BARD1: variants seen among roughly 807,000 people sequenced by gnomAD.
BARD1 encodes the protein BRCA1-associated RING domain protein 1.
A neutral mutation model predicts 77.0 loss-of-function variants in BARD1; 73 were observed. The observed-to-expected ratio is 0.95, with a 90% CI of 0.79 to 1.15. BARD1 has a LOEUF of 1.15. Among genes scored for constraint, BARD1 ranks in the 50% most tolerant of loss-of-function variants. BARD1 has a pLI of 0.00. For synonymous variants in BARD1, 384 were observed against 338.0 expected, an observed-to-expected ratio of 1.14 and a Z score of -1.49; for missense variants, 993 against 938.8, an observed-to-expected ratio of 1.06 and a Z score of -0.75.
At chr2:214,761,627 C>T (rs78720575) in intron 6 of BARD1, among the ~76,000 whole-genome samples, 1,797 of 152,020 alleles carry the variant, frequency 0.012, 42 homozygotes, top group South Asian at 0.071. Context: ...ACAGTGAGAC[C>T]CTATCTCAAA....
rs1029278234 is a variant in BARD1 at position 214,727,455 on chromosome 2, C to T, written c.*1221G>A. The stretch of plus-strand genomic sequence containing the variant: ...TTAATTTTATAAGTATATTCAATGT[C>T]TAGGAAGGAATTATTAAAGAATTCT... On this transcript the variant is annotated 3_prime_UTR_variant, in exon 11 of 11. Transcript: ENST00000260947. 5.6e-5 allele frequency: 13 copies of T among 231,774 alleles called. No homozygotes were observed. The highest frequency in any genetic ancestry group is 2.4e-4 in the African/African-American group (11 of 45,256). The allele number at this position is 231,774 out of a possible 1,614,324, so 14.4% of individuals were successfully genotyped here.
chr2:214,745,842 G>A lies in BARD1; in HGVS notation c.1690C>T (p.Gln564Ter), dbSNP rs587780021. The change falls in exon 8 of 11, where the codon CAG (glutamine) becomes TAG (stop). Residue 564 changes from glutamine to a stop codon, truncating the protein, a stop_gained. Coordinates refer to ENST00000260947, the MANE Select transcript of BARD1 (RefSeq NM_000465.4). LOFTEE classifies it high-confidence loss of function. ...AGTACAAGAGGTCCATCCCTACGCT[G>A]CCCAGTGTTCATCTGTTAATATAAA... ...ASHCSVMNTGQRRDGPLVLIG... is the reference protein window; with the variant it reads ...ASHCSVMNTG 40 of 1,613,824 alleles carry A rather than the reference G, an allele frequency of 2.5e-5. No homozygotes were observed. The highest frequency in any genetic ancestry group is 1.6e-4 in the Middle Eastern group (1 of 6,082).
At chr2:214,806,577 T>G (rs987192387) in intron 1 of BARD1, among the ~76,000 whole-genome samples, 2 of 152,030 alleles carry the variant, frequency 1.3e-5, no homozygotes, top group Non-Finnish European at 2.9e-5. Flanking sequence ...TTCTAAACAT[T>G]AAAGCCCATG....
chr2:214,797,392 T>C (rs555455268), intron 1 of BARD1, among the ~76,000 whole-genome samples: 1 of 152,336 alleles, frequency 6.6e-6, no homozygotes, highest in South Asian at 2.1e-4. Context: ...AACAATTTTG[T>C]TCAAGTATCT....
chr2:214,773,886 A>G (rs532833002), intron 4 of BARD1, among the ~76,000 whole-genome samples: 1 of 152,204 alleles, frequency 6.6e-6, no homozygotes, highest in African/African-American at 2.4e-5. Context: ...TCTGCGTAGA[A>G]CTTCTCCCAA....
chr2:214,781,074 G>T lies in BARD1; in HGVS notation c.800C>A (p.Thr267Lys). The T allele has an allele frequency of 6.3e-7, 1 of 1,597,554 alleles. No homozygotes were observed. Among genetic ancestry groups the T allele is most frequent in the Non-Finnish European group, 8.5e-7 (1 of 1,173,944 alleles). ...TAAACTTCCAAAACATTCAGATTCT[G>T]TCAAGGAGCCACTTGCTAGTAAGTC... The part of the protein sequence containing the change: ...EIDLLASGSL[T>K]ESECFGSLTE... The change falls in exon 4 of 11, where the codon ACA becomes AAA. Residue 267 changes from threonine to lysine, a missense_variant. Transcript: ENST00000260947.
chr2:214,753,924 AAC>A (rs1693575521), intron 6 of BARD1, among the ~76,000 whole-genome samples: 1 of 152,132 alleles, frequency 6.6e-6, no homozygotes, highest in Non-Finnish European at 1.5e-5. Flanking sequence ...TTCCTCTGGC[AAC>A]AGTCTTTCTC....
At chr2:214,750,060 T>G (rs1693333135) in intron 7 of BARD1, among the ~76,000 whole-genome samples, 1 of 152,130 alleles carries the variant, frequency 6.6e-6, no homozygotes, top group Non-Finnish European at 1.5e-5. Context: ...AACAATGGCA[T>G]CTACTACTAC....
chr2:214,799,223 C>G lies in BARD1; in HGVS notation c.159-2106G>C, dbSNP rs2106150196. Among the ~76,000 whole-genome samples, 2 of 152,288 alleles carry G rather than the reference C, an allele frequency of 1.3e-5. 1 individual carries two copies. Among genetic ancestry groups the G allele is most frequent in the South Asian group, 4.1e-4 (2 of 4,824 alleles). On this transcript the variant is annotated intron_variant, in intron 1 of 10. Transcript: ENST00000260947. ...GGCTGAGGCACAAGAATCACTTGAA[C>G]CCAGGAGGCACAGGTTGAGGTGAGC...
rs1694277558 is a variant in BARD1, at chr2:214,767,642, T to G, written c.1408A>C (p.Asn470His). 1 of 1,613,864 alleles carries G rather than the reference T, an allele frequency of 6.2e-7. No homozygotes were observed. Among genetic ancestry groups the G allele is most frequent in the South Asian group, 1.1e-5 (1 of 91,088 alleles). ...TCCACTACCTTCAGGTGCCCATGATTGCAAGCTTCATGCTAATTAAATTTT... is the reference window on the plus strand; with the variant it reads ...TCCACTACCTTCAGGTGCCCATGATGGCAAGCTTCATGCTAATTAAATTTT... ...AGWTPLHEACNHGHLKVVELL... is the reference protein window; with the variant it reads ...AGWTPLHEACHHGHLKVVELL... Residue 470 changes from asparagine (N) to histidine (H), a missense_variant, in exon 6 of 11, where the codon AAT (asparagine) becomes CAT (histidine). Transcript: ENST00000260947.
intron 4 of BARD1, among the ~76,000 whole-genome samples, chr2:214,777,576 T>G (rs1207794234): frequency 6.6e-6 from 1 of 152,182 alleles, no homozygotes; most frequent in Non-Finnish European, 1.5e-5. Context: ...TTTTCTGAAG[T>G]AGGTGGGTAC....
Position 214,734,113 on chromosome 2 carries a change from G to T in BARD1, c.1904-3605C>A, listed in dbSNP as rs540220930. Among the ~76,000 whole-genome samples the T allele has an allele frequency of 3.9e-5, 6 of 152,076 alleles. No homozygotes were observed. In the South Asian group the frequency reaches 6.2e-4, roughly 16 times the overall value. On this transcript the variant is annotated intron_variant, in intron 9 of 10. Transcript: ENST00000260947. ...TAAAAGCAAAGATAATAGGTTTTTT[G>T]AATAAAATGTTTGAATGCAAAGTTG...
chr2:214,747,149 C>G (rs1693161172), intron 7 of BARD1, among the ~76,000 whole-genome samples: 1 of 151,798 alleles, frequency 6.6e-6, no homozygotes, highest in East Asian at 1.9e-4. Context: ...ATCAAAACCA[C>G]AGTGAGATAC....
chr2:214,777,370 C>T (rs1450532897), intron 4 of BARD1, among the ~76,000 whole-genome samples: 1 of 152,112 alleles, frequency 6.6e-6, no homozygotes, highest in Non-Finnish European at 1.5e-5. Context: ...AGAAATCAAT[C>T]AGTAAAGCCC....
At chr2:214,754,758 C>G (rs1001776455) in intron 6 of BARD1, among the ~76,000 whole-genome samples, 1 of 152,120 alleles carries the variant, frequency 6.6e-6, no homozygotes, top group Non-Finnish European at 1.5e-5. Flanking sequence ...TGCTCACACA[C>G]AATTCACTAA....
At chr2:214,803,423 C>T (rs1007942817) in intron 1 of BARD1, among the ~76,000 whole-genome samples, 11 of 152,202 alleles carry the variant, frequency 7.2e-5, no homozygotes, top group Non-Finnish European at 1.5e-4. Context: ...AGTATAAAAC[C>T]CGATTGTAGG....
intron 9 of BARD1, among the ~76,000 whole-genome samples, chr2:214,744,539 G>C (rs989074572): frequency 6.6e-6 from 1 of 152,018 alleles, no homozygotes; most frequent in African/African-American, 2.4e-5. Flanking sequence ...TGAAATAGTT[G>C]GTATTGTAGG....
rs1050662237 is a variant in BARD1 at position 214,727,753 on chromosome 2, A to C, written c.*923T>G. 6.6e-5 allele frequency: 15 copies of C among 227,982 alleles called. No homozygotes were observed. Among genetic ancestry groups the C allele is most frequent in the Admixed American group, 6.3e-4 (11 of 17,574 alleles). 14.1% of individuals were successfully genotyped at this position (227,982 alleles called of 1,614,324 possible). On this transcript the variant is annotated 3_prime_UTR_variant, in exon 11 of 11. Transcript: ENST00000260947. ...TGCCAACCTAAAAACTTTAAAAAAA[A>C]CCTTTTCCTTTTACAAAGGAAGAAA... is the stretch of plus-strand genomic sequence containing the variant.
chr2:214,796,722 A>G (rs1695769568), intron 2 of BARD1: 2 of 302,812 alleles, frequency 6.6e-6, no homozygotes, highest in Non-Finnish European at 1.3e-5. Context: ...TGTAAGACCT[A>G]TACTTTCACA....
Sources: gnomAD v4.1 joint callset for allele counts (sites outside exome capture counted in the v4.1 genomes callset) on GRCh38, gnomAD v4.1.1 for gene constraint, MANE v1.5 for transcripts, NCBI Gene and HGNC (gene_info 2026-07-23, HGNC 2026-07-21) for gene names.